NLGN1: variants seen among roughly 807,000 people sequenced by gnomAD.
The protein encoded by NLGN1 is neuroligin-1.
A neutral mutation model predicts 65.5 loss-of-function variants in NLGN1; 12 were observed. The observed-to-expected ratio is 0.18, with a 90% confidence interval of 0.12 to 0.30. NLGN1 has a LOEUF of 0.30. NLGN1 is among the 10% of genes least tolerant of loss of function. The probability of loss-of-function intolerance (pLI) is 1.00; values close to 1 mark genes in which losing one functional copy is unlikely to be tolerated. For synonymous variants in NLGN1, 350 were observed against 359.5 expected (o/e 0.97, Z 0.30); for missense variants, 750 against 1,007.1 (o/e 0.74, Z 3.46).
At chr3:173,641,947 A>C (rs973215055) in intron 3 of NLGN1, among the ~76,000 whole-genome samples, 2 of 152,062 alleles carry the variant, frequency 1.3e-5, no homozygotes, top group Non-Finnish European at 2.9e-5. Flanking sequence ...TAAAATATAT[A>C]CTATCTTACC....
At chr3:173,658,888 A>G (rs1226726056) in intron 3 of NLGN1, among the ~76,000 whole-genome samples, 1 of 152,046 alleles carries the variant, frequency 6.6e-6, no homozygotes, top group African/African-American at 2.4e-5. Flanking sequence ...ATACACATGC[A>G]TGGAATGGAG....
chr3:173,696,740 T>C (rs1464584695), intron 3 of NLGN1, among the ~76,000 whole-genome samples: 2 of 152,230 alleles, frequency 1.3e-5, no homozygotes, highest in Non-Finnish European at 2.9e-5. Flanking sequence ...TGTTTTTGTT[T>C]GTTTCTTATG....
At chr3:173,901,214 A>G (rs561095200) in intron 4 of NLGN1, among the ~76,000 whole-genome samples, 11 of 152,116 alleles carry the variant, frequency 7.2e-5, no homozygotes, top group South Asian at 6.2e-4. Flanking sequence ...GTTCACATAT[A>G]TATGCACTCC....
intron 4 of NLGN1, among the ~76,000 whole-genome samples, chr3:174,057,352 G>T (rs1736372550): frequency 6.6e-6 from 1 of 152,044 alleles, no homozygotes; most frequent in African/African-American, 2.4e-5. Context: ...TTATGGAGAT[G>T]TGTATGAGCC....
chr3:173,762,412 A>G (rs1292638471), intron 3 of NLGN1, among the ~76,000 whole-genome samples: 1 of 152,086 alleles, frequency 6.6e-6, no homozygotes, highest in African/African-American at 2.4e-5. Flanking sequence ...ATGATAATAA[A>G]TTAAAAGAAA....
intron 3 of NLGN1, among the ~76,000 whole-genome samples, chr3:173,765,281 A>G (rs1560323923): frequency 2.0e-5 from 3 of 152,150 alleles, no homozygotes; most frequent in Non-Finnish European, 4.4e-5. Flanking sequence ...GCCAGAATCT[A>G]AAACAATATA....
chr3:173,904,452 T>A (rs375226740), intron 4 of NLGN1, among the ~76,000 whole-genome samples: 12 of 152,146 alleles, frequency 7.9e-5, no homozygotes, highest in African/African-American at 2.9e-4. Flanking sequence ...GCTTAATTTT[T>A]CTTCCTTTTT....
chr3:173,640,608 A>G (rs779718972), intron 3 of NLGN1, among the ~76,000 whole-genome samples: 8 of 152,178 alleles, frequency 5.3e-5, no homozygotes, highest in Non-Finnish European at 1.0e-4. Flanking sequence ...GTCCATATTT[A>G]AATTTACCTA....
intron 4 of NLGN1, among the ~76,000 whole-genome samples, chr3:174,110,772 A>T (rs1249085072): frequency 1.3e-5 from 2 of 152,028 alleles, no homozygotes; most frequent in Non-Finnish European, 2.9e-5. Flanking sequence ...TTCATTTTAA[A>T]ATATGTTTTG....
At chr3:173,830,007 T>TCGGGGGCGGGGGGGG (rs1553863519) in intron 4 of NLGN1, among the ~76,000 whole-genome samples, 1 of 128,594 alleles carries the variant, frequency 7.8e-6, no homozygotes, top group African/African-American at 3.2e-5. Flanking sequence ...GTGGGTAGTG[T>TCGGGGGCGGGGGGGG]GGGGGGGGGA....
chr3:174,152,772 T>C (rs1191342035), intron 4 of NLGN1, among the ~76,000 whole-genome samples: 1 of 152,138 alleles, frequency 6.6e-6, no homozygotes, highest in Non-Finnish European at 1.5e-5. Context: ...TATAATGTTA[T>C]GTGGAAACAT....
chr3:173,489,105 T>A (rs1295790954), intron 2 of NLGN1, among the ~76,000 whole-genome samples: 2 of 151,998 alleles, frequency 1.3e-5, no homozygotes, highest in Non-Finnish European at 2.9e-5. Context: ...ATTATTATAC[T>A]TTAAGTTCCA....
At chr3:173,920,232 T>G (rs1348452430) in intron 4 of NLGN1, among the ~76,000 whole-genome samples, 1 of 152,104 alleles carries the variant, frequency 6.6e-6, no homozygotes, top group Non-Finnish European at 1.5e-5. Flanking sequence ...TAGACTAGAT[T>G]ACTGCATATG....
At chr3:173,576,061 G>T (rs1266234489) in intron 2 of NLGN1, among the ~76,000 whole-genome samples, 1 of 151,940 alleles carries the variant, frequency 6.6e-6, no homozygotes, top group Non-Finnish European at 1.5e-5. Context: ...ATACACATTG[G>T]ATTTTGAATA....
chr3:174,148,128 G>C (rs1422329042), intron 4 of NLGN1, among the ~76,000 whole-genome samples: 1 of 152,144 alleles, frequency 6.6e-6, no homozygotes, highest in Non-Finnish European at 1.5e-5. Flanking sequence ...ACAAACATGA[G>C]CTGTTCTCCA....
At chr3:173,612,165 A>G (rs1354926494) in intron 3 of NLGN1, among the ~76,000 whole-genome samples, 1 of 152,098 alleles carries the variant, frequency 6.6e-6, no homozygotes, top group African/African-American at 2.4e-5. Context: ...TCACACCAGT[A>G]TAGACGTTTG....
intron 3 of NLGN1, chr3:173,800,277 C>A: frequency 9.6e-7 from 1 of 1,038,992 alleles, no homozygotes; most frequent in Non-Finnish European, 1.2e-6. Flanking sequence ...CTCCATTTCT[C>A]CGTTCTCAAT....
intron 4 of NLGN1, among the ~76,000 whole-genome samples, chr3:174,002,017 A>T (rs1404934918): frequency 6.6e-6 from 1 of 151,666 alleles, no homozygotes; most frequent in Non-Finnish European, 1.5e-5. Flanking sequence ...GGATGAAAGT[A>T]GGAAAAGTTA....
chr3:173,500,324 CT>C (rs1298477414), intron 2 of NLGN1, among the ~76,000 whole-genome samples: 2 of 152,150 alleles, frequency 1.3e-5, no homozygotes, highest in African/African-American at 4.8e-5. Context: ...TGGTTTTTGT[CT>C]TTGGTTCTGT....
Sources: gnomAD v4.1 joint callset for allele counts (sites outside exome capture counted in the v4.1 genomes callset) on GRCh38, gnomAD v4.1.1 for gene constraint, MANE v1.5 for transcripts, NCBI Gene and HGNC (gene_info 2026-07-23, HGNC 2026-07-21) for gene names.